The following CSRNP3 variants were observed in gnomAD, a reference collection of about 807,000 sequenced individuals.
The protein encoded by CSRNP3 is cysteine and serine rich nuclear protein 3, also known as cysteine/serine-rich nuclear protein 3.
In CSRNP3, 12 loss-of-function variants were observed where a neutral mutation model predicts 48.0. That is an observed-to-expected ratio of 0.25 (90% CI 0.16 to 0.41). The LOEUF is 0.41. Among genes scored for constraint, CSRNP3 ranks in the 10% least tolerant of loss-of-function variants. The pLI is 1.00. For missense variants in CSRNP3, 580 were observed against 724.4 expected, an observed-to-expected ratio of 0.80 and a Z score of 2.29; for synonymous variants, 263 against 269.7, an observed-to-expected ratio of 0.98 and a Z score of 0.24.
chr2:165,492,970 G>C (rs1370455488), intron 1 of CSRNP3, among the ~76,000 whole-genome samples: 2 of 148,782 alleles, frequency 1.3e-5, no homozygotes, highest in African/African-American at 2.5e-5. Context: ...CTGGTGTTCA[G>C]CGTAGAGGCC....
At chr2:165,557,694 G>A (rs143418338) in intron 3 of CSRNP3, among the ~76,000 whole-genome samples, 110 of 152,228 alleles carry the variant, frequency 7.2e-4, no homozygotes, top group African/African-American at 2.6e-3. Context: ...AAACTGTGTC[G>A]TATTCATCTC....
Position 165,686,225 on chromosome 2 carries a change from C to G in CSRNP3, c.*6472C>G, listed in dbSNP as rs71426776. The G allele has an allele frequency of 6.6e-6, 1 of 151,954 alleles. No individual in the cohort carries two copies. The allele number at this position is 151,954 out of a possible 1,614,324, so 9.4% of individuals were successfully genotyped here. ...TCTAGGTACTTGTATCACCAGAGAC[C>G]TTCATCAAGTCCTACTGCCACACTG... On this transcript the variant is annotated 3_prime_UTR_variant, in exon 7 of 7. Transcript: ENST00000651982.
chr2:165,636,313 C>T (rs538308485), intron 4 of CSRNP3, among the ~76,000 whole-genome samples: 59 of 152,198 alleles, frequency 3.9e-4, no homozygotes, highest in Non-Finnish European at 6.9e-4. Flanking sequence ...TGCATGTGTG[C>T]ATAATTGGAT....
At chr2:165,499,057 T>G (rs1401947486) in intron 2 of CSRNP3, among the ~76,000 whole-genome samples, 3 of 152,194 alleles carry the variant, frequency 2.0e-5, no homozygotes, top group Non-Finnish European at 4.4e-5. Flanking sequence ...CATCCTTACT[T>G]TGGGTCCATC....
chr2:165,578,544 T>C (rs893003342), intron 3 of CSRNP3, among the ~76,000 whole-genome samples: 2 of 152,130 alleles, frequency 1.3e-5, no homozygotes, highest in African/African-American at 4.8e-5. Flanking sequence ...CAAAAGACTC[T>C]GTAAGAATGA....
At chr2:165,606,366 C>CAAAAA (rs1229143916) in intron 4 of CSRNP3, among the ~76,000 whole-genome samples, 3 of 63,094 alleles carry the variant, frequency 4.8e-5, no homozygotes, top group African/African-American at 1.4e-4. Flanking sequence ...GCTAATGCAG[C>CAAAAA]AAAAAAAAAA....
intron 6 of CSRNP3, among the ~76,000 whole-genome samples, chr2:165,678,070 A>ACACACATG (rs1373966921): frequency 6.6e-6 from 1 of 152,198 alleles, no homozygotes; most frequent in Non-Finnish European, 1.5e-5. Context: ...AGTACAGTAC[A>ACACACATG]CACACATGCA....
At chr2:165,668,206 A>G (rs1371931436) in intron 5 of CSRNP3, among the ~76,000 whole-genome samples, 4 of 152,162 alleles carry the variant, frequency 2.6e-5, no homozygotes, top group Admixed American at 6.5e-5. Flanking sequence ...GAGAAAATCA[A>G]AAGAGTAATA....
chr2:165,595,596 A>T (rs1574855252), intron 4 of CSRNP3, among the ~76,000 whole-genome samples: 1 of 152,130 alleles, frequency 6.6e-6, no homozygotes, highest in East Asian at 1.9e-4. Flanking sequence ...AAAAGGCATT[A>T]TTAAGGAATG....
At chr2:165,662,796 A>G (rs1429978605) in intron 5 of CSRNP3, among the ~76,000 whole-genome samples, 3 of 151,882 alleles carry the variant, frequency 2.0e-5, no homozygotes, top group East Asian at 1.9e-4. Flanking sequence ...TGTTCCTCCT[A>G]TTTCTGAGAT....
intron 3 of CSRNP3, among the ~76,000 whole-genome samples, chr2:165,551,347 T>A (rs954963637): frequency 6.6e-6 from 1 of 152,200 alleles, no homozygotes; most frequent in Non-Finnish European, 1.5e-5. Flanking sequence ...TTCCATGATG[T>A]CTTATTTATT....
intron 3 of CSRNP3, among the ~76,000 whole-genome samples, chr2:165,587,346 A>T (rs1438489819): frequency 6.6e-6 from 1 of 152,254 alleles, no homozygotes; most frequent in East Asian, 1.9e-4. Context: ...TGCACAAAAA[A>T]GATAAATTGG....
intron 3 of CSRNP3, among the ~76,000 whole-genome samples, chr2:165,542,856 G>A (rs1684976881): frequency 6.6e-6 from 1 of 152,074 alleles, no homozygotes; most frequent in African/African-American, 2.4e-5. Flanking sequence ...CGATTATGTA[G>A]GAATATTCAC....
chr2:165,671,402 C>G (rs1687328916), intron 5 of CSRNP3, among the ~76,000 whole-genome samples: 1 of 152,172 alleles, frequency 6.6e-6, no homozygotes, highest in Non-Finnish European at 1.5e-5. Flanking sequence ...GGCCTCTCAA[C>G]CATGGCAGAA....
In CSRNP3 at chr2:165,509,861, T is replaced by C. The variant is rs144020739; in HGVS notation, c.-112-8012T>C. On this transcript the variant is annotated intron_variant, in intron 2 of 6. Coordinates refer to ENST00000651982, the MANE Select transcript of CSRNP3 (RefSeq NM_001172173.2). ...GATACCACATTGAATTCGGTCATCA[T>C]GTCTCCTTAGTCTCACTGAGGTGTG... Among the ~76,000 whole-genome samples the C allele has an allele frequency of 4.2e-4, 64 of 152,322 alleles. 1 individual carries two copies. Among genetic ancestry groups the C allele is most frequent in the Admixed American group, 4.2e-3 (64 of 15,292 alleles).
chr2:165,503,766 G>A (rs1271335855), intron 2 of CSRNP3, among the ~76,000 whole-genome samples: 1 of 151,772 alleles, frequency 6.6e-6, no homozygotes, highest in Non-Finnish European at 1.5e-5. Context: ...AACAATTGTT[G>A]TGTCTACTAT....
chr2:165,632,462 T>A (rs952750787), intron 4 of CSRNP3, among the ~76,000 whole-genome samples: 2 of 152,050 alleles, frequency 1.3e-5, no homozygotes, highest in African/African-American at 4.8e-5. Context: ...TGAGCTATAA[T>A]CACAGCATTG....
At chr2:165,492,665 T>C (rs929926468) in intron 1 of CSRNP3, among the ~76,000 whole-genome samples, 2 of 150,208 alleles carry the variant, frequency 1.3e-5, no homozygotes, top group East Asian at 3.9e-4. Flanking sequence ...TTATATTTTC[T>C]TCTTATTATT....
intron 4 of CSRNP3, among the ~76,000 whole-genome samples, chr2:165,641,231 T>C (rs1686716816): frequency 6.6e-6 from 1 of 152,214 alleles, no homozygotes. Context: ...TTTATCTTTC[T>C]CTAATACCCT....
Sources: gnomAD v4.1 joint callset for allele counts (sites outside exome capture counted in the v4.1 genomes callset) on GRCh38, gnomAD v4.1.1 for gene constraint, MANE v1.5 for transcripts, NCBI Gene and HGNC (gene_info 2026-07-23, HGNC 2026-07-21) for gene names.